TSC22D3: variants seen among roughly 807,000 people sequenced by gnomAD.
TSC22D3 encodes TSC22 domain family protein 3.
Under a neutral mutation model 11.1 loss-of-function variants are expected in TSC22D3, and 4 were observed. The observed-to-expected ratio is 0.36, with a 90% CI of 0.18 to 0.83. The LOEUF is 0.83. Among genes scored for constraint, TSC22D3 ranks in the 40% least tolerant of loss-of-function variants. The pLI is 0.48. For synonymous variants in TSC22D3, 77 were observed against 70.3 expected (o/e 1.10, Z -0.48); for missense variants, 118 against 159.4 (o/e 0.74, Z 1.40).
intron 1 of TSC22D3, among the ~76,000 whole-genome samples, chrX:107,770,681 A>G (rs948065707): frequency 9.0e-6 from 1 of 111,537 alleles, no homozygotes; most frequent in African/African-American, 3.3e-5. Flanking sequence ...AAGGTAGAAT[A>G]GAGCTGATTA....
intron 1 of TSC22D3, among the ~76,000 whole-genome samples, chrX:107,771,831 G>A (rs941491661): frequency 2.7e-5 from 3 of 112,160 alleles, no homozygotes; most frequent in African/African-American, 6.5e-5. Context: ...TCACTGATTC[G>A]TATGTATATA....
At chrX:107,741,780 A>G (rs1230485275) in intron 1 of TSC22D3, among the ~76,000 whole-genome samples, 1 of 111,713 alleles carries the variant, frequency 9.0e-6, no homozygotes, top group Non-Finnish European at 1.9e-5. Flanking sequence ...CTGTGGTCCA[A>G]GGAATTCTGT....
intron 1 of TSC22D3, among the ~76,000 whole-genome samples, chrX:107,767,202 C>A (rs1191229743): frequency 8.9e-6 from 1 of 111,935 alleles, no homozygotes; most frequent in African/African-American, 3.2e-5. Flanking sequence ...AATACTCAAG[C>A]CTATTCTGTG....
intron 1 of TSC22D3, among the ~76,000 whole-genome samples, chrX:107,771,941 C>T (rs755476369): frequency 8.9e-6 from 1 of 112,556 alleles, no homozygotes; most frequent in South Asian, 3.7e-4. Context: ...TTTTCTAGCA[C>T]AGTATAAAGT....
At chrX:107,733,561 C>A (rs892950855) in intron 1 of TSC22D3, among the ~76,000 whole-genome samples, 1 of 111,074 alleles carries the variant, frequency 9.0e-6, no homozygotes, top group South Asian at 3.8e-4. Flanking sequence ...ACCCTCATCC[C>A]CCTCACCATC....
intron 1 of TSC22D3, chrX:107,774,871 C>A (rs1445043189): frequency 4.6e-6 from 2 of 434,726 alleles, no homozygotes; most frequent in East Asian, 7.6e-5. Flanking sequence ...CCAGCGTCCC[C>A]ATCAGAAAGC....
chrX:107,764,655 A>C (rs942947140), intron 1 of TSC22D3, among the ~76,000 whole-genome samples: 1 of 111,509 alleles, frequency 9.0e-6, no homozygotes, highest in African/African-American at 3.3e-5. Flanking sequence ...TTTTTTTTCC[A>C]GAGAGACTTG....
At chrX:107,765,551 G>T (rs1175851911) in intron 1 of TSC22D3, among the ~76,000 whole-genome samples, 1 of 112,627 alleles carries the variant, frequency 8.9e-6, no homozygotes, top group East Asian at 2.8e-4. Context: ...ATGATGGATT[G>T]ATTAATTGAA....
chrX:107,753,917 C>CT (rs34538477), intron 1 of TSC22D3, among the ~76,000 whole-genome samples: 7,134 of 97,906 alleles, frequency 0.073, 252 homozygotes, highest in Middle Eastern at 0.18. Context: ...TTCTTTCTTC[C>CT]TTTTTTTTTT....
At chrX:107,716,965 A>C in intron 1 of TSC22D3, 1 of 1,058,984 alleles carries the variant, frequency 9.4e-7, no homozygotes, top group South Asian at 2.6e-5. Flanking sequence ...ACGAACCCAA[A>C]GCCAAGCAGG....
chrX:107,739,305 C>T (rs1168887113), intron 1 of TSC22D3, among the ~76,000 whole-genome samples: 1 of 112,801 alleles, frequency 8.9e-6, no homozygotes, highest in East Asian at 2.8e-4. Flanking sequence ...GGTATATGGA[C>T]TAGGAATGAG....
Position 107,775,532 on chromosome X carries a change from G to A in TSC22D3, c.-113C>T. The A allele has an allele frequency of 3.3e-6, 2 of 605,726 alleles. No individual in the cohort carries two copies. Among genetic ancestry groups the A allele is most frequent in the South Asian group, 3.2e-5 (1 of 31,469 alleles). 49.9% of individuals were successfully genotyped at this position (605,726 alleles called of 1,213,427 possible). ...GGTGCCTGGAAAAGACAAGCTGTGA[G>A]GAAAAGAGTTGGAAATTAGCGCCTA... On this transcript the variant is annotated 5_prime_UTR_variant, in exon 1 of 3. Transcript: ENST00000372383.
intron 1 of TSC22D3, among the ~76,000 whole-genome samples, chrX:107,719,203 C>T (rs939191458): frequency 1.8e-5 from 2 of 111,765 alleles, no homozygotes; most frequent in Admixed American, 9.4e-5. Flanking sequence ...AAAAACAGCT[C>T]CTTCAAGAGG....
chrX:107,772,683 TA>T (rs201884704), intron 1 of TSC22D3, among the ~76,000 whole-genome samples: 25 of 103,111 alleles, frequency 2.4e-4, no homozygotes, highest in East Asian at 9.1e-4. Context: ...CCCGTCCCTA[TA>T]AAAAAAAAAT....
intron 1 of TSC22D3, among the ~76,000 whole-genome samples, chrX:107,726,714 G>A (rs902766413): frequency 7.2e-5 from 8 of 110,764 alleles, no homozygotes; most frequent in African/African-American, 2.6e-4. Context: ...GAAGTGCCCA[G>A]GTCTCTGTGG....
chrX:107,751,028 T>C (rs1176560654), intron 1 of TSC22D3, among the ~76,000 whole-genome samples: 1 of 112,279 alleles, frequency 8.9e-6, no homozygotes, highest in African/African-American at 3.2e-5. Context: ...TGATTCCTTT[T>C]CCACATGTGA....
At chrX:107,739,879 T>C (rs773752176) in intron 1 of TSC22D3, among the ~76,000 whole-genome samples, 9 of 112,443 alleles carry the variant, frequency 8.0e-5, no homozygotes, top group Non-Finnish European at 1.3e-4. Context: ...GTTGATCACA[T>C]AGTCAGTCCT....
Position 107,757,572 on chromosome X carries a change from G to A in TSC22D3, c.320+17528C>T, listed in dbSNP as rs1312781919. ...CTTATTTGCAACCTTGTTTCCAGAT[G>A]TAGCCCATATTTGGTGAGGGCTGTG... On this transcript the variant is annotated intron_variant, in intron 1 of 2. Transcript: ENST00000372383. Among the ~76,000 whole-genome samples the A allele has an allele frequency of 3.6e-5, 4 of 112,077 alleles. No individual in the cohort carries two copies. In the Admixed American group the frequency reaches 3.8e-4, roughly 11 times the overall value.
chrX:107,720,700 A>AAAAAG (rs1322853938), intron 1 of TSC22D3, among the ~76,000 whole-genome samples: 4 of 108,645 alleles, frequency 3.7e-5, no homozygotes, highest in Non-Finnish European at 7.7e-5. Flanking sequence ...TCTAAAGAAA[A>AAAAAG]AAAAGAAAAG....
Sources: allele counts gnomAD v4.1 joint callset (sites outside exome capture counted in the v4.1 genomes callset), GRCh38; gene constraint gnomAD v4.1.1; transcripts MANE v1.5; gene names NCBI Gene and HGNC (gene_info 2026-07-23, HGNC 2026-07-21).